Variants in LRRN3 observed in about 807,000 individuals in gnomAD.
LRRN3 encodes the protein leucine-rich repeat neuronal protein 3.
In LRRN3, 15 loss-of-function variants were observed where a neutral mutation model predicts 40.1. The observed-to-expected ratio is 0.37, with a 90% CI of 0.25 to 0.58. LRRN3 has a LOEUF of 0.58. LRRN3 is among the 20% of genes least tolerant of loss of function. LRRN3 has a pLI of 0.72. For missense variants in LRRN3, 746 were observed against 837.7 expected (o/e 0.89, Z 1.35); for synonymous variants, 308 against 297.2 (o/e 1.04, Z -0.37).
chr7:111,108,407 T>A (rs1189107260), intron 2 of LRRN3, among the ~76,000 whole-genome samples: 1 of 152,136 alleles, frequency 6.6e-6, no homozygotes, highest in African/African-American at 2.4e-5. Flanking sequence ...AATACAAATG[T>A]CACAAATTTT....
intron 2 of LRRN3, among the ~76,000 whole-genome samples, chr7:111,111,668 C>T (rs932582390): frequency 2.6e-5 from 4 of 151,804 alleles, no homozygotes; most frequent in African/African-American, 7.3e-5. Context: ...TCCCCCCCTG[C>T]GTCAATAGTA....
rs113717375 is a variant in LRRN3 at position 111,124,935 on chromosome 7, A to C, written c.*36A>C. 59 of 1,388,086 alleles carry C rather than the reference A, an allele frequency of 4.3e-5. No homozygotes were observed. Among genetic ancestry groups the C allele is most frequent in the South Asian group, 2.8e-4 (19 of 68,406 alleles). The allele number at this position is 1,388,086 out of a possible 1,614,324, so 86.0% of individuals were successfully genotyped here. Reference sequence around the variant, plus strand: ...GGAAACCTACTCCAAAAATGAACAAAAAAAAAAAAAGCGAAAGACTGCAGT... The same window carrying C: ...GGAAACCTACTCCAAAAATGAACAACAAAAAAAAAAGCGAAAGACTGCAGT... On this transcript the variant is annotated 3_prime_UTR_variant, in exon 3 of 3. Coordinates refer to ENST00000308478, the MANE Select transcript of LRRN3 (RefSeq NM_001099658.2).
intron 2 of LRRN3, among the ~76,000 whole-genome samples, chr7:111,104,126 T>C (rs1277580376): frequency 2.0e-5 from 3 of 151,742 alleles, no homozygotes; most frequent in Non-Finnish European, 4.4e-5. Flanking sequence ...GGCAACTTTT[T>C]TGAAAGGCAA....
chr7:111,122,768 C>A lies in LRRN3; in HGVS notation c.-5C>A. ...CCCATTACATTTCTGAAGAAGAAAG[C>A]TAAGATGAAGGACATGCCACTCCGA... On this transcript the variant is annotated 5_prime_UTR_variant, in exon 3 of 3. Coordinates refer to ENST00000308478, the MANE Select transcript of LRRN3 (RefSeq NM_001099658.2). The A allele has an allele frequency of 6.2e-7, 1 of 1,605,916 alleles. No homozygotes were observed. Among genetic ancestry groups the A allele is most frequent in the Admixed American group, 1.7e-5 (1 of 59,284 alleles).
chr7:111,112,475 AC>A (rs1429451506), intron 2 of LRRN3, among the ~76,000 whole-genome samples: 1 of 151,968 alleles, frequency 6.6e-6, no homozygotes, highest in Non-Finnish European at 1.5e-5. Flanking sequence ...ATTTCCACTC[AC>A]AAAAAGATGC....
At position 111,123,207 on chromosome 7, in the gene LRRN3, C is replaced by G; in HGVS notation, c.435C>G (p.Leu145=). 1 of 1,613,940 alleles carries G rather than the reference C, an allele frequency of 6.2e-7. No homozygotes were observed. The highest frequency in any genetic ancestry group is 8.5e-7 in the Non-Finnish European group (1 of 1,179,954). ...CCGAACTGAGCAACTTACAAGAACT[C>G]TATATTAATCACAACTTGCTTTCTA... ...CLSELSNLQE[L]YINHNLLSTI... Residue 145 remains leucine, a synonymous_variant, in exon 3 of 3, where the codon CTC becomes CTG. Transcript: ENST00000308478. This position sits in a 1 kb window ranked among gnomAD's most constrained non-coding sequence, Gnocchi z 6.4.
chr7:111,112,939 T>C (rs933700873), intron 2 of LRRN3, among the ~76,000 whole-genome samples: 3 of 152,194 alleles, frequency 2.0e-5, no homozygotes, highest in African/African-American at 7.2e-5. Flanking sequence ...GCTAATTTTA[T>C]TTCCTTTCTT....
rs568912989 is a variant in LRRN3, at chr7:111,091,465, G to C, written c.-480G>C. On this transcript the variant is annotated 5_prime_UTR_variant, in exon 1 of 3. Transcript: ENST00000308478. ...AGGAACTGAGGAATCCAGCACGCAA[G>C]GACATCGGAGGTGGGCTAGCACTGA... The C allele has an allele frequency of 6.6e-6, 1 of 152,158 alleles. No homozygotes were observed. Among genetic ancestry groups the C allele is most frequent in the Non-Finnish European group, 1.5e-5 (1 of 68,032 alleles). 9.4% of individuals were successfully genotyped at this position (152,158 alleles called of 1,614,324 possible).
Position 111,123,451 on chromosome 7 carries a change from A to C in LRRN3, c.679A>C (p.Ile227Leu), listed in dbSNP as rs769370648. The C allele has an allele frequency of 6.2e-6, 10 of 1,613,496 alleles. No homozygotes were observed. Among genetic ancestry groups the C allele is most frequent in the Non-Finnish European group, 8.5e-6 (10 of 1,179,892 alleles). Residue 227 changes from isoleucine to leucine, a missense_variant, in exon 3 of 3, where the codon ATA (isoleucine) becomes CTA (leucine). Coordinates refer to ENST00000308478, the MANE Select transcript of LRRN3 (RefSeq NM_001099658.2). The surrounding 1 kb of genome is among the most constrained non-coding windows in gnomAD (Gnocchi z 6.4). ...TATAGCTGGTATAAACCTCACAGAA[A>C]TACCAGATAACGCCTTGGTTGGACT... Reference protein sequence around the residue: ...LVIAGINLTEIPDNALVGLEN... With the variant: ...LVIAGINLTELPDNALVGLEN...
intron 2 of LRRN3, among the ~76,000 whole-genome samples, chr7:111,121,031 T>C (rs1005263534): frequency 2.6e-5 from 4 of 151,378 alleles, no homozygotes; most frequent in African/African-American, 9.7e-5. Context: ...ATATAACAAA[T>C]AAAATTACAA....
intron 2 of LRRN3, among the ~76,000 whole-genome samples, chr7:111,110,204 A>G (rs1484436920): frequency 6.6e-6 from 1 of 152,196 alleles, no homozygotes; most frequent in Non-Finnish European, 1.5e-5. Flanking sequence ...CAAAGATCCT[A>G]TCTGTTCATG....
chr7:111,115,026 A>G (rs1371752247), intron 2 of LRRN3, among the ~76,000 whole-genome samples: 1 of 152,152 alleles, frequency 6.6e-6, no homozygotes, highest in Non-Finnish European at 1.5e-5. Flanking sequence ...TATGGAAAAC[A>G]AGATGATTAT....
intron 2 of LRRN3, among the ~76,000 whole-genome samples, chr7:111,111,315 A>C (rs1354051128): frequency 6.6e-6 from 1 of 151,620 alleles, no homozygotes; most frequent in Non-Finnish European, 1.5e-5. Context: ...AAAAAAAAAA[A>C]AAAAAAAGTT....
At position 111,124,763 on chromosome 7, in the gene LRRN3, ATTAC is replaced by A; in HGVS notation, c.1996_1999del (p.Leu666ArgfsTer7). On this transcript the variant is annotated frameshift_variant, in exon 3 of 3. Coordinates refer to ENST00000308478, the MANE Select transcript of LRRN3 (RefSeq NM_001099658.2). LOFTEE classifies it high-confidence loss of function. ...GATGGTGGACACAGCTATGTGAGGA[ATTAC>A]TTACAGAAACCAACCTTTGCATTAG... 1 of 1,613,926 alleles carries A rather than the reference ATTAC, an allele frequency of 6.2e-7. No homozygotes were observed. The highest frequency in any genetic ancestry group is 8.5e-7 in the Non-Finnish European group (1 of 1,179,994).
At chr7:111,121,127 T>G (rs1235705706) in intron 2 of LRRN3, among the ~76,000 whole-genome samples, 2 of 152,228 alleles carry the variant, frequency 1.3e-5, no homozygotes, top group Admixed American at 6.5e-5. Flanking sequence ...TTTTAACGAT[T>G]AAATTTCTCA....
chr7:111,112,587 T>C (rs1171418718), intron 2 of LRRN3, among the ~76,000 whole-genome samples: 2 of 152,206 alleles, frequency 1.3e-5, no homozygotes, highest in Non-Finnish European at 2.9e-5. Context: ...GAATGTATGT[T>C]GTTCTATTTT....
chr7:111,101,960 A>G (rs1475841537), intron 2 of LRRN3, among the ~76,000 whole-genome samples: 1 of 151,368 alleles, frequency 6.6e-6, no homozygotes, highest in African/African-American at 2.4e-5. Flanking sequence ...TTCTGCCCAC[A>G]TGTTCATGAA....
rs115543443 is a variant in LRRN3, at chr7:111,098,636, C to T, written c.-440-1245C>T. Among the ~76,000 whole-genome samples the T allele has an allele frequency of 5.7e-3, 871 of 151,862 alleles. 11 individuals are homozygous for T. The highest frequency in any genetic ancestry group is 0.02 in the African/African-American group (828 of 41,496). On this transcript the variant is annotated intron_variant, in intron 1 of 2. Transcript: ENST00000308478. ...ACATACAAGCATTTTCTGTGCCAAA[C>T]ATTATGCTAAGCACTTAACATACAT...
chr7:111,093,850 C>T (rs1436431849), intron 1 of LRRN3, among the ~76,000 whole-genome samples: 1 of 152,056 alleles, frequency 6.6e-6, no homozygotes, highest in Non-Finnish European at 1.5e-5. Context: ...ACCTTCCTGG[C>T]AAGACAATTC....
Sources: allele counts gnomAD v4.1 joint callset (sites outside exome capture counted in the v4.1 genomes callset), GRCh38; gene constraint gnomAD v4.1.1; non-coding constraint Gnocchi (gnomAD v3.1); transcripts MANE v1.5; gene names NCBI Gene and HGNC (gene_info 2026-07-23, HGNC 2026-07-21).